PDIA4: variants seen among roughly 807,000 people sequenced by gnomAD.
PDIA4 encodes the protein protein disulfide-isomerase A4.
A neutral mutation model predicts 62.1 loss-of-function variants in PDIA4; 33 were observed. That is an observed-to-expected ratio of 0.53 (90% CI 0.40 to 0.71). The LOEUF (loss-of-function observed/expected upper bound fraction) is 0.71, where lower values mean the gene tolerates loss of function less well. Among genes scored for constraint, PDIA4 ranks in the 30% least tolerant of loss-of-function variants. The pLI is 0.00. For missense variants in PDIA4, 804 were observed against 813.6 expected (o/e 0.99, Z 0.14); for synonymous variants, 341 against 324.1 (o/e 1.05, Z -0.56).
At position 149,003,658 on chromosome 7, in the gene PDIA4, C is replaced by T. The variant is rs1823621776; in HGVS notation, c.*136G>A. On this transcript the variant is annotated 3_prime_UTR_variant, in exon 10 of 10. Transcript: ENST00000652332. Reference sequence around the variant, plus strand: ...AGTATTCAGAGCATGAAGTGAAACACCAAAGTATAAAAAATTAAAAAAAAA... The same window carrying T: ...AGTATTCAGAGCATGAAGTGAAACATCAAAGTATAAAAAATTAAAAAAAAA... 1 of 586,796 alleles carries T rather than the reference C, an allele frequency of 1.7e-6. No individual in the cohort carries two copies. The highest frequency in any genetic ancestry group is 3.1e-5 in the East Asian group (1 of 32,226). The allele number at this position is 586,796 out of a possible 1,614,324, so 36.3% of individuals were successfully genotyped here.
rs1212293422 is a variant in PDIA4 at position 149,016,497 on chromosome 7, A to G, written c.476-1455T>C. 2.0e-5 allele frequency among the ~76,000 whole-genome samples: 3 copies of G among 152,082 alleles called. No homozygotes were observed. In the East Asian group the frequency reaches 5.8e-4, roughly 29 times the overall value. On this transcript the variant is annotated intron_variant, in intron 3 of 9. Transcript: ENST00000652332. ...CTTTTATGCATACAAAATATCTCCA[A>G]ACACAGAAGAAACCTGTTACACTAG...
chr7:149,020,900 G>C, intron 2 of PDIA4, 67 bp downstream of exon 2: 4 of 1,559,682 alleles, frequency 2.6e-6, no homozygotes, highest in Non-Finnish European at 3.5e-6. Flanking sequence ...CTGGATGACC[G>C]GGTGAAGGGC....
chr7:149,028,235 C>A lies in PDIA4; in HGVS notation c.88+86G>T, dbSNP rs902362450. On this transcript the variant is annotated intron_variant, in intron 1 of 9. Transcript: ENST00000652332. ...CTGGAGCTGACCGCGCGGAAGCCCGCCCGCCGGGGTCGCAGGGCCCAGGCC... is the reference window on the plus strand; with the variant it reads ...CTGGAGCTGACCGCGCGGAAGCCCGACCGCCGGGGTCGCAGGGCCCAGGCC... 1.3e-5 allele frequency: 13 copies of A among 1,026,364 alleles called. No homozygotes were observed. In the Admixed American group the frequency reaches 3.9e-4, roughly 31 times the overall value. 63.6% of individuals were successfully genotyped at this position (1,026,364 alleles called of 1,614,324 possible). A position where few individuals can be genotyped will look rare whatever the true frequency, so the allele number is the denominator to read the frequency against.
chr7:149,006,201 G>T, intron 7 of PDIA4, 148 bp from the exon 8 acceptor site: 1 of 669,136 alleles, frequency 1.5e-6, no homozygotes, highest in Non-Finnish European at 2.3e-6. Flanking sequence ...CCCCACTCAA[G>T]CACAGCCCAG....
chr7:149,026,539 T>C (rs1485967912), intron 1 of PDIA4, among the ~76,000 whole-genome samples: 2 of 151,686 alleles, frequency 1.3e-5, no homozygotes, highest in African/African-American at 4.8e-5. Context: ...TGGTCCCAGC[T>C]ACTAGGGAGG....
chr7:149,011,695 C>G, intron 6 of PDIA4, 151 bp downstream of exon 6: 1 of 612,232 alleles, frequency 1.6e-6, no homozygotes, highest in Non-Finnish European at 2.6e-6. Context: ...GCCCCAGCCC[C>G]AACTCCAACC....
At chr7:149,012,900 G>A (rs1320883132) in intron 4 of PDIA4, among the ~76,000 whole-genome samples, 1 of 151,964 alleles carries the variant, frequency 6.6e-6, no homozygotes, top group African/African-American at 2.4e-5. Flanking sequence ...GACCACCCAG[G>A]GAGGAGATGA....
chr7:149,007,335 G>T (rs897652092), intron 7 of PDIA4, among the ~76,000 whole-genome samples: 1 of 152,144 alleles, frequency 6.6e-6, no homozygotes, highest in African/African-American at 2.4e-5. Context: ...TCCCATGAGA[G>T]CCCACAGCCC....
At chr7:149,015,385 T>C (rs1824093396) in intron 3 of PDIA4, among the ~76,000 whole-genome samples, 1 of 150,660 alleles carries the variant, frequency 6.6e-6, no homozygotes, top group Admixed American at 6.7e-5. Flanking sequence ...TGATTACATA[T>C]GCCTATGGAT....
chr7:149,011,767 G>A (rs931009660), intron 6 of PDIA4, 79 bp downstream of exon 6: 7 of 1,208,286 alleles, frequency 5.8e-6, no homozygotes, highest in African/African-American at 4.6e-5. Flanking sequence ...GGATGTCCCA[G>A]GAGCTTTCTG....
chr7:149,019,577 A>G (rs1007045160), intron 2 of PDIA4, among the ~76,000 whole-genome samples: 4 of 152,128 alleles, frequency 2.6e-5, no homozygotes, highest in African/African-American at 9.7e-5. Context: ...TTGGGAGGCC[A>G]AGGTGGGCGG....
At chr7:149,011,722 A>T (rs1823950375) in intron 6 of PDIA4, 124 bp downstream of exon 6, 1 of 731,714 alleles carries the variant, frequency 1.4e-6, no homozygotes, top group African/African-American at 1.8e-5. Flanking sequence ...TGGAAAGCTT[A>T]TTCCCAGAGA....
chr7:149,005,865 C>A (rs576524131), intron 8 of PDIA4, 32 bp downstream of exon 8: 9 of 1,456,860 alleles, frequency 6.2e-6, no homozygotes, highest in East Asian at 2.7e-5. Context: ...CCCCACCCCC[C>A]ACCCCCGCAG....
Position 149,006,365 on chromosome 7 carries a change from G to A in PDIA4, c.1132-312C>T, listed in dbSNP as rs77930294. On this transcript the variant is annotated intron_variant, in intron 7 of 9. Coordinates refer to ENST00000652332, the MANE Select transcript of PDIA4 (RefSeq NM_004911.5). ...AGGTAGGCCTGGCTCTTGGCAGACA[G>A]GAAGGGTTATCACGGGCTGGGCTGT... The A allele has an allele frequency of 9.6e-4, 277 of 287,552 alleles. 7 individuals are homozygous for A. The East Asian group carries it at 0.025, about 25-fold the overall frequency. The allele number at this position is 287,552 out of a possible 1,614,324, so 17.8% of individuals were successfully genotyped here.
At chr7:149,024,890 C>T (rs1234067163) in intron 1 of PDIA4, among the ~76,000 whole-genome samples, 1 of 148,470 alleles carries the variant, frequency 6.7e-6, no homozygotes. Flanking sequence ...TCTGGGAGGC[C>T]GAGGCAAGCG....
At position 149,021,083 on chromosome 7, in the gene PDIA4, C is replaced by T. The variant is rs149592400; in HGVS notation, c.153G>A (p.Glu51=). The change falls in exon 2 of 10, where the codon GAG becomes GAA. Residue 51 remains glutamate, a synonymous_variant. Coordinates refer to ENST00000652332, the MANE Select transcript of PDIA4 (RefSeq NM_004911.5). ...CCTTAACTTCCAAGTCGTCTTCTTC[C>T]TCATCATCATCTTCCTCCTCCTCCT... The part of the protein sequence containing the change: ...EEEEEEEDDD[E]EEDDLEVKEE... 1.9e-6 allele frequency: 3 copies of T among 1,613,320 alleles called. No homozygotes were observed. The highest frequency in any genetic ancestry group is 2.2e-5 in the East Asian group (1 of 44,870).
intron 1 of PDIA4, among the ~76,000 whole-genome samples, chr7:149,024,109 T>C (rs1824453069): frequency 6.6e-6 from 1 of 152,096 alleles, no homozygotes. Flanking sequence ...TAGCTGGGCA[T>C]GTTGGTGCAT....
At chr7:149,024,906 C>T (rs1241431044) in intron 1 of PDIA4, among the ~76,000 whole-genome samples, 1 of 150,144 alleles carries the variant, frequency 6.7e-6, no homozygotes, top group Admixed American at 6.6e-5. Context: ...AAGCGGATCT[C>T]CTGAGGTCGG....
chr7:149,020,939 C>A (rs769497098), intron 2 of PDIA4, 28 bp downstream of exon 2: 18 of 1,610,016 alleles, frequency 1.1e-5, no homozygotes, highest in Middle Eastern at 1.7e-4. Flanking sequence ...CGCTTGTCCA[C>A]CTGCAGAAAT....
Sources: gnomAD v4.1 joint callset for allele counts (sites outside exome capture counted in the v4.1 genomes callset) on GRCh38, gnomAD v4.1.1 for gene constraint, MANE v1.5 for transcripts, NCBI Gene and HGNC (gene_info 2026-07-23, HGNC 2026-07-21) for gene names.